The following SCAPER variants were observed in gnomAD, a reference collection of about 807,000 sequenced individuals.
SCAPER encodes S-phase cyclin A associated protein in the ER.
In SCAPER, 98 loss-of-function variants were observed where a neutral mutation model predicts 182.2. The observed-to-expected ratio is 0.54, with a 90% CI of 0.46 to 0.64. SCAPER has a LOEUF of 0.64. SCAPER is among the 30% of genes least tolerant of loss of function. The pLI is 0.00. For missense variants in SCAPER, 1,432 were observed against 1,690.0 expected, an observed-to-expected ratio of 0.85 and a Z score of 2.68; for synonymous variants, 605 against 564.6, an observed-to-expected ratio of 1.07 and a Z score of -1.01.
intron 5 of SCAPER, among the ~76,000 whole-genome samples, chr15:76,834,418 T>C (rs185727815): frequency 2.9e-3 from 439 of 152,108 alleles, no homozygotes; most frequent in African/African-American, 0.01. Flanking sequence ...AATTAACAAC[T>C]TAACATCATA....
intron 21 of SCAPER, among the ~76,000 whole-genome samples, chr15:76,659,451 G>T (rs1244253944): frequency 6.6e-6 from 1 of 152,168 alleles, no homozygotes; most frequent in African/African-American, 2.4e-5. Flanking sequence ...TTCATTTTTT[G>T]TAGAAACAGG....
chr15:76,700,700 A>G (rs558209807), intron 20 of SCAPER, among the ~76,000 whole-genome samples: 35 of 152,262 alleles, frequency 2.3e-4, no homozygotes, highest in Non-Finnish European at 4.6e-4. Flanking sequence ...TTAACAAGTC[A>G]TTAAATAAAA....
chr15:76,480,780 G>A (rs1459686332), intron 24 of SCAPER, among the ~76,000 whole-genome samples: 1 of 152,048 alleles, frequency 6.6e-6, no homozygotes, highest in Non-Finnish European at 1.5e-5. Context: ...ACCCAGGCTG[G>A]AGTGCAGTGG....
chr15:76,726,448 G>T (rs1424969813), intron 17 of SCAPER, among the ~76,000 whole-genome samples: 1 of 151,104 alleles, frequency 6.6e-6, no homozygotes, highest in East Asian at 1.9e-4. Context: ...AAAACAGTAG[G>T]GTTCTCTTCA....
rs916429733 is a variant in SCAPER at position 76,701,316 on chromosome 15, T to C, written c.2508+442A>G. Among the ~76,000 whole-genome samples the C allele has an allele frequency of 1.2e-4, 18 of 152,292 alleles. 1 individual carries two copies. Among genetic ancestry groups the C allele is most frequent in the African/African-American group, 3.8e-4 (16 of 41,566 alleles). ...AAGAGTTAAATGAAAAATATTCATA[T>C]ACATATTTATACAAATCTAAATTCC... is the stretch of plus-strand genomic sequence containing the variant. On this transcript the variant is annotated intron_variant, in intron 20 of 31. Transcript: ENST00000563290.
At chr15:76,742,394 C>G (rs1426003379) in intron 15 of SCAPER, among the ~76,000 whole-genome samples, 2 of 70,174 alleles carry the variant, frequency 2.9e-5, no homozygotes, top group Non-Finnish European at 5.6e-5. Flanking sequence ...TAAAAAAAAA[C>G]AATTCCAAGA....
intron 22 of SCAPER, among the ~76,000 whole-genome samples, chr15:76,614,388 A>G (rs1345148476): frequency 1.3e-5 from 2 of 152,216 alleles, no homozygotes; most frequent in African/African-American, 4.8e-5. Context: ...GTAACCCTGA[A>G]CTTAAAAGTT....
At chr15:76,813,219 C>A (rs1446164682) in intron 5 of SCAPER, among the ~76,000 whole-genome samples, 1 of 90,054 alleles carries the variant, frequency 1.1e-5, no homozygotes, top group Non-Finnish European at 2.0e-5. Flanking sequence ...AGTTCAATAT[C>A]CTTTCACTAA....
rs951265412 is a variant in SCAPER at position 76,767,311 on chromosome 15, A to G, written c.1249-223T>C. 2.0e-4 allele frequency among the ~76,000 whole-genome samples: 31 copies of G among 152,318 alleles called. 1 individual carries two copies. The highest frequency in any genetic ancestry group is 7.5e-4 in the African/African-American group (31 of 41,582). On this transcript the variant is annotated intron_variant, in intron 10 of 31. Coordinates refer to ENST00000563290, the MANE Select transcript of SCAPER (RefSeq NM_020843.4). ...TGGTATTCCATAAAATGGAACAATA[A>G]TCAATGACTTGCCTTATTTACCAGA...
chr15:76,782,213 C>CA (rs1046709089), intron 8 of SCAPER, among the ~76,000 whole-genome samples: 258 of 145,388 alleles, frequency 1.8e-3, no homozygotes, highest in African/African-American at 5.2e-3. Context: ...AAATGGAAAG[C>CA]AAAAAAAAAC....
intron 5 of SCAPER, 36 bp from the exon 6 acceptor site, chr15:76,804,669 G>T: frequency 1.5e-6 from 2 of 1,367,414 alleles, no homozygotes; most frequent in African/African-American, 1.4e-5. Context: ...TTAAATTCCA[G>T]TCTGAGACTA....
rs964620381 is a variant in SCAPER, at chr15:76,642,107, A to C, written c.2646-20278T>G. On this transcript the variant is annotated intron_variant, in intron 21 of 31. Transcript: ENST00000563290. ...AAATATGCTACTCAGACAAAAATCA[A>C]ATAAATATTAGCTCTCTTTACTGCG... Among the ~76,000 whole-genome samples, 14 of 152,318 alleles carry C rather than the reference A, an allele frequency of 9.2e-5. 1 individual carries two copies. The East Asian group carries it at 2.7e-3, about 29-fold the overall frequency.
intron 21 of SCAPER, among the ~76,000 whole-genome samples, chr15:76,648,111 C>T (rs1050186932): frequency 8.6e-5 from 13 of 151,276 alleles, no homozygotes; most frequent in Non-Finnish European, 1.6e-4. Context: ...AAGCCATACT[C>T]GGAGAAAAAT....
intron 8 of SCAPER, among the ~76,000 whole-genome samples, chr15:76,793,908 C>A (rs1269669162): frequency 6.6e-6 from 1 of 152,166 alleles, no homozygotes; most frequent in Non-Finnish European, 1.5e-5. Context: ...TCTACAGCTC[C>A]ACAGCGTCAG....
chr15:76,590,160 G>C (rs1014056522), intron 22 of SCAPER, among the ~76,000 whole-genome samples: 2 of 152,152 alleles, frequency 1.3e-5, no homozygotes, highest in African/African-American at 4.8e-5. Flanking sequence ...CACACACACT[G>C]CTCTGTCTGT....
intron 10 of SCAPER, among the ~76,000 whole-genome samples, chr15:76,767,660 T>A (rs992858201): frequency 6.6e-6 from 1 of 151,942 alleles, no homozygotes; most frequent in African/African-American, 2.4e-5. Context: ...AAACATGTGG[T>A]TAATAAGCCA....
rs202083248 is a variant in SCAPER at position 76,484,874 on chromosome 15, C to T, written c.2955-13539G>A. 0.018 allele frequency among the ~76,000 whole-genome samples: 7 copies of T among 396 alleles called. No homozygotes were observed. The South Asian group carries it at 0.39, about 22-fold the overall frequency. 0.3% of individuals were successfully genotyped at this position (396 alleles called of 152,430 possible). Reference sequence around the variant, plus strand: ...TTCAACATCCATTCATGTTAAAAACCTCAATAAACTAGGTATTGAAGAAAC... The same window carrying T: ...TTCAACATCCATTCATGTTAAAAACTTCAATAAACTAGGTATTGAAGAAAC... On this transcript the variant is annotated intron_variant, in intron 24 of 31. Coordinates refer to ENST00000563290, the MANE Select transcript of SCAPER (RefSeq NM_020843.4).
intron 5 of SCAPER, among the ~76,000 whole-genome samples, chr15:76,828,195 T>C (rs2068165897): frequency 6.6e-6 from 1 of 151,414 alleles, no homozygotes; most frequent in South Asian, 2.1e-4. Flanking sequence ...AAATTTCTTA[T>C]CTTTATAAAG....
At chr15:76,693,304 T>C (rs1373070944) in intron 20 of SCAPER, among the ~76,000 whole-genome samples, 1 of 152,108 alleles carries the variant, frequency 6.6e-6, no homozygotes, top group Non-Finnish European at 1.5e-5. Flanking sequence ...ACCAACCTAT[T>C]TGGATGGCTG....
Sources: gnomAD v4.1 joint callset for allele counts (sites outside exome capture counted in the v4.1 genomes callset) on GRCh38, gnomAD v4.1.1 for gene constraint, MANE v1.5 for transcripts, NCBI Gene and HGNC (gene_info 2026-07-23, HGNC 2026-07-21) for gene names.